KANSL1: variants seen among roughly 807,000 people sequenced by gnomAD.
The protein encoded by KANSL1 is KAT8 regulatory NSL complex subunit 1, also known as MLL1/MLL complex subunit KANSL1.
Under a neutral mutation model 103.6 loss-of-function variants are expected in KANSL1, and 22 were observed. The ratio of observed to expected loss-of-function variants is 0.21; its 90% CI spans 0.15 to 0.30. The LOEUF (loss-of-function observed/expected upper bound fraction) is 0.30, where lower values mean the gene tolerates loss of function less well. KANSL1 is among the 10% of genes least tolerant of loss of function. The probability of loss-of-function intolerance (pLI) is 1.00; values close to 1 mark genes in which losing one functional copy is unlikely to be tolerated. For synonymous variants in KANSL1, 600 were observed against 527.6 expected, an observed-to-expected ratio of 1.14 and a Z score of -1.88; for missense variants, 1,337 against 1,399.8, an observed-to-expected ratio of 0.96 and a Z score of 0.72.
chr17:46,134,355 C>T (rs2044015384), intron 2 of KANSL1, among the ~76,000 whole-genome samples: 1 of 151,992 alleles, frequency 6.6e-6, no homozygotes, highest in Non-Finnish European at 1.5e-5. Context: ...TGAGGTCGCG[C>T]CACTGCACTA....
chr17:46,084,508 A>G (rs534772058), intron 3 of KANSL1, among the ~76,000 whole-genome samples: 6 of 151,830 alleles, frequency 4.0e-5, no homozygotes, highest in African/African-American at 9.7e-5. Flanking sequence ...ACAGTGAAAC[A>G]ACGTCTCCAG....
intron 2 of KANSL1, among the ~76,000 whole-genome samples, chr17:46,117,275 T>C (rs1054556569): frequency 6.6e-6 from 1 of 152,250 alleles, no homozygotes; most frequent in Non-Finnish European, 1.5e-5. Context: ...CACACAGTAC[T>C]TGACGAAGCA....
At chr17:46,181,468 C>A (rs546061256) in intron 1 of KANSL1, among the ~76,000 whole-genome samples, 1 of 152,064 alleles carries the variant, frequency 6.6e-6, no homozygotes, top group East Asian at 1.9e-4. Flanking sequence ...TCGCTCTTGT[C>A]CCCCAGGCTG....
chr17:46,146,828 G>A lies in KANSL1; in HGVS notation c.1289+24027C>T, dbSNP rs372683022. Among the ~76,000 whole-genome samples, 42 of 116,876 alleles carry A rather than the reference G, an allele frequency of 3.6e-4. No individual in the cohort carries two copies. In the East Asian group the frequency reaches 8.2e-3, roughly 23 times the overall value. The allele number at this position is 116,876 out of a possible 152,430, so 76.7% of individuals were successfully genotyped here. A position where few individuals can be genotyped will look rare whatever the true frequency, so the allele number is the denominator to read the frequency against. On this transcript the variant is annotated intron_variant, in intron 2 of 14. Coordinates refer to ENST00000432791, the MANE Select transcript of KANSL1 (RefSeq NM_015443.4). ...AGCCTGGGCGACAGAGCGAGACTCCGTCTCAAAAAAAAAAAAAAAAAAAAA... is the reference window on the plus strand; with the variant it reads ...AGCCTGGGCGACAGAGCGAGACTCCATCTCAAAAAAAAAAAAAAAAAAAAA...
intron 1 of KANSL1, among the ~76,000 whole-genome samples, chr17:46,199,991 T>G (rs375814099): frequency 5.9e-5 from 9 of 152,204 alleles, no homozygotes; most frequent in African/African-American, 2.2e-4. Flanking sequence ...GCAAGCAGTT[T>G]AAGCAGGATT....
chr17:46,044,598 A>C (rs2146419178), intron 7 of KANSL1: 1 of 152,320 alleles, frequency 6.6e-6, no homozygotes, highest in South Asian at 2.1e-4. Context: ...TATCCTCTAC[A>C]TTTCCAACTA....
chr17:46,165,652 A>G (rs2045958787), intron 2 of KANSL1, among the ~76,000 whole-genome samples: 2 of 151,906 alleles, frequency 1.3e-5, no homozygotes, highest in South Asian at 4.1e-4. Context: ...CTGGGATTAA[A>G]GGCGTGCACC....
chr17:46,183,890 G>A (rs1241127872), intron 1 of KANSL1, among the ~76,000 whole-genome samples: 2 of 152,206 alleles, frequency 1.3e-5, no homozygotes, highest in Non-Finnish European at 2.9e-5. Flanking sequence ...TCCAGCGTAG[G>A]CGACAGAATG....
chr17:46,140,916 G>A (rs926498955), intron 2 of KANSL1, among the ~76,000 whole-genome samples: 7 of 152,092 alleles, frequency 4.6e-5, no homozygotes, highest in South Asian at 2.1e-4. Flanking sequence ...CACAAATATC[G>A]CTCATGGTAA....
chr17:46,181,273 G>C lies in KANSL1; in HGVS notation c.-89-9041C>G, dbSNP rs147175020. On this transcript the variant is annotated intron_variant, in intron 1 of 14. Transcript: ENST00000432791. Reference sequence around the variant, plus strand: ...TTTCTCACGAAGCTTTTCAGGTTTGGTATGTCCTCTCTATACTTCTAACAC... The same window carrying C: ...TTTCTCACGAAGCTTTTCAGGTTTGCTATGTCCTCTCTATACTTCTAACAC... 3.3e-5 allele frequency among the ~76,000 whole-genome samples: 5 copies of C among 152,244 alleles called. No homozygotes were observed. The East Asian group carries it at 9.6e-4, about 29-fold the overall frequency.
upstream of KANSL1, among the ~76,000 whole-genome samples, chr17:46,195,564 C>T (rs552934969): frequency 2.0e-5 from 3 of 152,324 alleles, no homozygotes; most frequent in South Asian, 4.1e-4. Context: ...TAGGCATCCA[C>T]TTGTACTTTT....
chr17:46,154,858 T>A (rs1298853013), intron 2 of KANSL1, among the ~76,000 whole-genome samples: 1 of 152,200 alleles, frequency 6.6e-6, no homozygotes, highest in Non-Finnish European at 1.5e-5. Flanking sequence ...TATTTTATGA[T>A]TATTTTAATG....
rs2146299866 is a variant in KANSL1, at chr17:46,031,552, G to C, written c.3242C>G (p.Thr1081Ser). 1 of 1,614,090 alleles carries C rather than the reference G, an allele frequency of 6.2e-7. No individual in the cohort carries two copies. The highest frequency in any genetic ancestry group is 8.5e-7 in the Non-Finnish European group (1 of 1,180,006). Reference protein sequence around the residue: ...KTGRETEAAPTSPPIVPLKSR... With the variant: ...KTGRETEAAPSSPPIVPLKSR... ...CTTGAGGGGGACAATGGGAGGCGAG[G>C]TGGGCGCTGCCTCTGTCTCCCGGCC... Residue 1081 changes from threonine to serine, a missense_variant, in exon 15 of 15, where the codon ACC (threonine) becomes AGC (serine). Transcript: ENST00000432791.
chr17:46,192,241 AG>A (rs1453812343), intron 1 of KANSL1, among the ~76,000 whole-genome samples: 3 of 152,190 alleles, frequency 2.0e-5, no homozygotes. Flanking sequence ...GCCGGAAAAC[AG>A]GCCCCCAAAA....
At chr17:46,098,274 T>C (rs1356093555) in intron 2 of KANSL1, among the ~76,000 whole-genome samples, 1 of 151,876 alleles carries the variant, frequency 6.6e-6, no homozygotes, top group Non-Finnish European at 1.5e-5. Flanking sequence ...TCTTTTGGAT[T>C]TATAGATTCC....
At chr17:46,091,450 C>T (rs2079384828) in intron 3 of KANSL1, among the ~76,000 whole-genome samples, 1 of 137,218 alleles carries the variant, frequency 7.3e-6, no homozygotes, top group Non-Finnish European at 1.6e-5. Context: ...AGTGTAGCCT[C>T]GGTGTACAGT....
At chr17:46,188,549 T>C (rs2047141583) in intron 1 of KANSL1, among the ~76,000 whole-genome samples, 2 of 152,362 alleles carry the variant, frequency 1.3e-5, no homozygotes, top group East Asian at 1.9e-4. Context: ...ACTGACACAG[T>C]AGGCAAGCCA....
intron 10 of KANSL1, chr17:46,035,770 G>A (rs1260465425): frequency 6.6e-6 from 1 of 152,138 alleles, no homozygotes; most frequent in Admixed American, 6.5e-5. Context: ...GCAGAAACAG[G>A]TATACACTTT....
intron 4 of KANSL1, among the ~76,000 whole-genome samples, chr17:46,077,933 CTT>C (rs55833124): frequency 6.6e-6 from 1 of 151,524 alleles, no homozygotes; most frequent in Non-Finnish European, 1.5e-5. Flanking sequence ...TTTTTTCCAT[CTT>C]TTTTTTTCTT....
Sources: gnomAD v4.1 joint callset for allele counts (sites outside exome capture counted in the v4.1 genomes callset) on GRCh38, gnomAD v4.1.1 for gene constraint, MANE v1.5 for transcripts, NCBI Gene and HGNC (gene_info 2026-07-23, HGNC 2026-07-21) for gene names.